Variants in ARAP2 observed in about 807,000 individuals in gnomAD.
The protein encoded by ARAP2 is ArfGAP with RhoGAP domain, ankyrin repeat and PH domain 2.
Under a neutral mutation model 194.5 loss-of-function variants are expected in ARAP2, and 148 were observed. The observed-to-expected ratio is 0.76, with a 90% CI of 0.67 to 0.87. The LOEUF (loss-of-function observed/expected upper bound fraction) is 0.87. Ranked by LOEUF, ARAP2 falls within the 40% of genes least tolerant of loss-of-function variation. ARAP2 has a pLI of 0.00. For synonymous variants in ARAP2, 695 were observed against 683.5 expected, an observed-to-expected ratio of 1.02 and a Z score of -0.26; for missense variants, 2,128 against 1,989.7, an observed-to-expected ratio of 1.07 and a Z score of -1.32.
intron 1 of ARAP2, among the ~76,000 whole-genome samples, chr4:36,234,075 C>A (rs1194558101): frequency 2.6e-5 from 4 of 152,218 alleles, no homozygotes; most frequent in African/African-American, 9.6e-5. Context: ...GGCTTGCTGC[C>A]ACTGCCCAGC....
rs760351704 is a variant in ARAP2 at position 36,229,220 on chromosome 4, A to G, written c.267T>C (p.Pro89=). Residue 89 remains proline, a synonymous_variant, in exon 2 of 33, where the codon CCT becomes CCC. Coordinates refer to ENST00000303965, the MANE Select transcript of ARAP2 (RefSeq NM_015230.4). ...NVHKTKKNDD[P]SKDYHVPSSD... The stretch of plus-strand genomic sequence containing the variant: ...AAGATGGAACATGGTAATCCTTTGA[A>G]GGGTCATCATTCTTCTTAGTTTTAT... 5.0e-6 allele frequency: 8 copies of G among 1,614,098 alleles called. No homozygotes were observed. Among genetic ancestry groups the G allele is most frequent in the Non-Finnish European group, 6.8e-6 (8 of 1,179,974 alleles).
chr4:36,133,292 G>C lies in ARAP2; in HGVS notation c.3361C>G (p.Gln1121Glu). The C allele has an allele frequency of 6.2e-7, 1 of 1,611,346 alleles. No homozygotes were observed. The highest frequency in any genetic ancestry group is 8.5e-7 in the Non-Finnish European group (1 of 1,178,318). ...AGTDGNALQDQQLSKNDVPII... is the reference protein window; with the variant it reads ...AGTDGNALQDEQLSKNDVPII... ...GGAACGTCATTTTTGCTGAGCTGCT[G>C]ATCTTGTAAAGCATTACCATCTGTA... The change falls in exon 20 of 33, where the codon CAG becomes GAG. Residue 1121 changes from glutamine to glutamate, a missense_variant. By Grantham distance (29) the Gln-to-Glu change is conservative. Coordinates refer to ENST00000303965, the MANE Select transcript of ARAP2 (RefSeq NM_015230.4).
At chr4:36,182,290 A>C (rs1337818026) in intron 8 of ARAP2, among the ~76,000 whole-genome samples, 1 of 152,120 alleles carries the variant, frequency 6.6e-6, no homozygotes, top group Non-Finnish European at 1.5e-5. Flanking sequence ...CAGGATATTG[A>C]GACCATCCTG....
chr4:36,198,315 G>A (rs913054517), intron 6 of ARAP2, among the ~76,000 whole-genome samples: 13 of 152,292 alleles, frequency 8.5e-5, no homozygotes, highest in South Asian at 2.1e-4. Flanking sequence ...GAGGAAGTGT[G>A]CACCAACTGG....
chr4:36,191,739 C>A (rs1741949304), intron 7 of ARAP2, among the ~76,000 whole-genome samples: 1 of 151,902 alleles, frequency 6.6e-6, no homozygotes, highest in South Asian at 2.1e-4. Flanking sequence ...GTATCTAGGG[C>A]AAGCCTGTCA....
Position 36,209,318 on chromosome 4 carries a change from G to A in ARAP2, c.1487+1072C>T, listed in dbSNP as rs900457347. The A allele has an allele frequency of 6.1e-5, 27 of 440,454 alleles. 1 individual carries two copies. Among genetic ancestry groups the A allele is most frequent in the Non-Finnish European group, 9.5e-5 (21 of 221,684 alleles). 27.3% of individuals were successfully genotyped at this position (440,454 alleles called of 1,614,324 possible). ...TAATACTTAGGACTAAAAAGAACAA[G>A]CAGAGGGTTTTGTCATCATAATGTA... On this transcript the variant is annotated intron_variant, in intron 6 of 32. Transcript: ENST00000303965.
intron 14 of ARAP2, 120 bp downstream of exon 14, chr4:36,159,211 G>T: frequency 9.1e-7 from 1 of 1,098,502 alleles, no homozygotes; most frequent in Non-Finnish European, 1.2e-6. Context: ...CATCTTTTTG[G>T]TAATTACATT....
At chr4:36,143,209 CT>C (rs1578051329) in intron 19 of ARAP2, among the ~76,000 whole-genome samples, 1 of 151,788 alleles carries the variant, frequency 6.6e-6, no homozygotes, top group East Asian at 1.9e-4. Flanking sequence ...TGTGCAGATT[CT>C]TTACTTTTAT....
intron 8 of ARAP2, among the ~76,000 whole-genome samples, chr4:36,185,978 C>CAAAAAAAAA (rs1054588041): frequency 5.9e-5 from 8 of 135,152 alleles, no homozygotes; most frequent in African/African-American, 2.2e-4. Flanking sequence ...AACTCTGTCT[C>CAAAAAAAAA]AAAAAAAAAA....
chr4:36,148,585 T>G, intron 16 of ARAP2, 78 bp from the exon 17 acceptor site: 1 of 964,648 alleles, frequency 1.0e-6, no homozygotes, highest in Non-Finnish European at 1.6e-6. Context: ...AGGTCATGTT[T>G]TTAATTAAAT....
chr4:36,219,370 C>T (rs1242556953), intron 2 of ARAP2, among the ~76,000 whole-genome samples: 1 of 152,158 alleles, frequency 6.6e-6, no homozygotes, highest in Non-Finnish European at 1.5e-5. Flanking sequence ...AACACAGACA[C>T]ATCTCAAAAA....
At chr4:36,159,911 G>A (rs1733521163) in intron 13 of ARAP2, among the ~76,000 whole-genome samples, 1 of 152,194 alleles carries the variant, frequency 6.6e-6, no homozygotes, top group Non-Finnish European at 1.5e-5. Flanking sequence ...CTAATCAGGA[G>A]CTGCAGAATA....
intron 6 of ARAP2, among the ~76,000 whole-genome samples, chr4:36,016,251 T>C (rs1181853965): frequency 1.3e-5 from 2 of 152,144 alleles, no homozygotes; most frequent in African/African-American, 4.8e-5. Context: ...TATAATACTA[T>C]ATATTATTAT....
rs568228952 is a variant in ARAP2, at chr4:36,220,842, G to C, written c.906-6362C>G. 1.1e-4 allele frequency among the ~76,000 whole-genome samples: 17 copies of C among 152,180 alleles called. No homozygotes were observed. The East Asian group carries it at 2.1e-3, about 19-fold the overall frequency. On this transcript the variant is annotated intron_variant, in intron 2 of 32. Transcript: ENST00000303965. ...ATCATTACAAGAGAGTAGGAAGCTT[G>C]AAAAGTTAAATTAAAAAGTTATAAT...
chr4:36,214,462 T>G lies in ARAP2; in HGVS notation c.924A>C (p.Arg308Ser), dbSNP rs144502234. 8.1e-6 allele frequency: 13 copies of G among 1,595,098 alleles called. No homozygotes were observed. The highest frequency in any genetic ancestry group is 1.0e-5 in the Non-Finnish European group (12 of 1,168,694). ...GVSGSYFRER[R>S]NVATSTEKSV... The stretch of plus-strand genomic sequence containing the variant: ...ATTTTTCAGTTGAGGTAGCAACATT[T>G]CTTCTTTCACGGAAATAGCTTAAAA... The change falls in exon 3 of 33, where the codon AGA (arginine) becomes AGC (serine). Residue 308 changes from arginine to serine, a missense_variant. Coordinates refer to ENST00000303965, the MANE Select transcript of ARAP2 (RefSeq NM_015230.4).
In ARAP2 at chr4:36,213,223, T is replaced by C; in HGVS notation, c.1041+20A>G. The C allele has an allele frequency of 6.6e-7, 1 of 1,521,170 alleles. No individual in the cohort carries two copies. The highest frequency in any genetic ancestry group is 9.1e-7 in the Non-Finnish European group (1 of 1,101,458). The allele number at this position is 1,521,170 out of a possible 1,614,324, so 94.2% of individuals were successfully genotyped here. ...GCAAATAATTGATTATGGAAAACAA[T>C]TAAAATGTATGGGACTAACCTTGGA... is the stretch of plus-strand genomic sequence containing the variant. On this transcript the variant is annotated intron_variant, in intron 4 of 32. Transcript: ENST00000303965.
chr4:36,052,109 T>C (rs931495222), intron 2 of ARAP2: 1 of 152,184 alleles, frequency 6.6e-6, no homozygotes, highest in East Asian at 1.9e-4. Context: ...GAAAGTTAAA[T>C]GTTGAACATC....
chr4:36,073,902 T>C, intron 31 of ARAP2, 79 bp from the exon 32 acceptor site: 1 of 1,498,882 alleles, frequency 6.7e-7, no homozygotes, highest in Non-Finnish European at 9.1e-7. Context: ...CTTGGTTTCT[T>C]TCCCACATAT....
chr4:36,060,282 G>A (rs1724213416), intron 1 of ARAP2, among the ~76,000 whole-genome samples: 1 of 152,128 alleles, frequency 6.6e-6, no homozygotes, highest in African/African-American at 2.4e-5. Flanking sequence ...CATCGTTGCT[G>A]GAAGAGTGGC....
Sources: allele counts gnomAD v4.1 joint callset (sites outside exome capture counted in the v4.1 genomes callset), GRCh38; gene constraint gnomAD v4.1.1; transcripts MANE v1.5; gene names NCBI Gene and HGNC (gene_info 2026-07-23, HGNC 2026-07-21).